The following NALF1 variants were observed in gnomAD, a reference collection of about 807,000 sequenced individuals.
The protein encoded by NALF1 is family with sequence similarity 155 member A.
A neutral mutation model predicts 48.4 loss-of-function variants in NALF1; 3 were observed. That is an observed-to-expected ratio of 0.06 (90% confidence interval 0.03 to 0.16). NALF1 has a LOEUF of 0.16. Among genes scored for constraint, NALF1 ranks in the 10% least tolerant of loss-of-function variants. The pLI is 1.00. For missense variants in NALF1, 526 were observed against 571.5 expected (o/e 0.92, Z 0.81); for synonymous variants, 262 against 245.7 (o/e 1.07, Z -0.62).
chr13:107,553,636 A>G (rs776136259), intron 1 of NALF1, among the ~76,000 whole-genome samples: 1 of 152,186 alleles, frequency 6.6e-6, no homozygotes, highest in Non-Finnish European at 1.5e-5. Flanking sequence ...AAATCTCACC[A>G]ATCAAAATAT....
intron 1 of NALF1, among the ~76,000 whole-genome samples, chr13:107,702,881 C>T (rs1024574975): frequency 6.6e-6 from 1 of 152,184 alleles, no homozygotes; most frequent in African/African-American, 2.4e-5. Flanking sequence ...TGATCTCCTT[C>T]CTTTTTATGG....
At chr13:107,492,394 C>A (rs1875168320) in intron 1 of NALF1, among the ~76,000 whole-genome samples, 1 of 152,094 alleles carries the variant, frequency 6.6e-6, no homozygotes, top group Non-Finnish European at 1.5e-5. Flanking sequence ...TTAATGGCTC[C>A]AGAAATGGTA....
intron 1 of NALF1, among the ~76,000 whole-genome samples, chr13:107,395,831 A>G (rs1341910055): frequency 6.6e-6 from 1 of 151,744 alleles, no homozygotes; most frequent in Non-Finnish European, 1.5e-5. Flanking sequence ...CTGTGCCCCA[A>G]CCTCCTTTTT....
intron 1 of NALF1, among the ~76,000 whole-genome samples, chr13:107,745,676 C>T (rs1470762722): frequency 3.3e-5 from 5 of 152,012 alleles, no homozygotes; most frequent in South Asian, 2.1e-4. Flanking sequence ...AGAGCAATAC[C>T]ATAGATCCAG....
chr13:107,707,442 C>T (rs1434723676), intron 1 of NALF1, among the ~76,000 whole-genome samples: 1 of 152,182 alleles, frequency 6.6e-6, no homozygotes, highest in Admixed American at 6.5e-5. Context: ...TCTCTCCTAC[C>T]TCTAGCAGAC....
At chr13:107,821,826 T>C (rs1754332260) in intron 1 of NALF1, among the ~76,000 whole-genome samples, 1 of 152,220 alleles carries the variant, frequency 6.6e-6, no homozygotes, top group Non-Finnish European at 1.5e-5. Flanking sequence ...AATACTGTCA[T>C]TGTTATTCTT....
At chr13:107,770,051 T>C in intron 1 of NALF1, among the ~76,000 whole-genome samples, 1 of 152,140 alleles carries the variant, frequency 6.6e-6, no homozygotes, top group East Asian at 1.9e-4. Flanking sequence ...TAGCTGGGAC[T>C]ACAGGCACCC....
chr13:107,367,438 T>A (rs1883170762), intron 1 of NALF1, among the ~76,000 whole-genome samples: 1 of 152,142 alleles, frequency 6.6e-6, no homozygotes, highest in Non-Finnish European at 1.5e-5. Context: ...GAGGACAAAG[T>A]CTTGTCCTCA....
At chr13:107,804,666 A>G (rs191116682) in intron 1 of NALF1, among the ~76,000 whole-genome samples, 10 of 152,014 alleles carry the variant, frequency 6.6e-5, no homozygotes, top group Admixed American at 2.6e-4. Flanking sequence ...ACACTGTCAC[A>G]CTCTTCTCAG....
chr13:107,321,500 G>T (rs1484096522), intron 1 of NALF1, among the ~76,000 whole-genome samples: 2 of 152,106 alleles, frequency 1.3e-5, no homozygotes, highest in African/African-American at 4.8e-5. Flanking sequence ...TTTAAACACT[G>T]ATTTCAGGAA....
intron 1 of NALF1, among the ~76,000 whole-genome samples, chr13:107,776,281 G>A (rs1444691930): frequency 6.6e-6 from 1 of 152,092 alleles, no homozygotes; most frequent in Non-Finnish European, 1.5e-5. Flanking sequence ...AGCTGGGTAA[G>A]TTTTCTTGGG....
At chr13:107,854,814 CA>C (rs1303453397) in intron 1 of NALF1, among the ~76,000 whole-genome samples, 1 of 147,814 alleles carries the variant, frequency 6.8e-6, no homozygotes, top group Non-Finnish European at 1.5e-5. Context: ...GCGGCGGTTG[CA>C]GTGAGCCAAG....
chr13:107,833,159 TA>T (rs58651793), intron 1 of NALF1, among the ~76,000 whole-genome samples: 15,145 of 152,172 alleles, frequency 0.1, 1,051 homozygotes, highest in East Asian at 0.31. Context: ...TCCTTTAGCA[TA>T]CCACTTTGAA....
intron 1 of NALF1, among the ~76,000 whole-genome samples, chr13:107,680,847 AGAGTATGTGAG>A (rs1251147491): frequency 5.7e-4 from 80 of 139,694 alleles, no homozygotes; most frequent in South Asian, 4.1e-3. Context: ...TGAGAGTGTA[AGAGTATGTGAG>A]TGTGCAAATG....
Position 107,866,216 on chromosome 13 carries a change from C to G in NALF1, c.381G>C (p.Ser127=). 3 of 1,596,532 alleles carry G rather than the reference C, an allele frequency of 1.9e-6. No individual in the cohort carries two copies. Among genetic ancestry groups the G allele is most frequent in the Non-Finnish European group, 2.6e-6 (3 of 1,172,318 alleles). Residue 127 remains serine (S), a synonymous_variant, in exon 1 of 3, where the codon TCG becomes TCC. Coordinates refer to ENST00000375915, the MANE Select transcript of NALF1 (RefSeq NM_001080396.3). This position sits in a 1 kb window ranked among gnomAD's most constrained non-coding sequence, Gnocchi z 4.4. Reference sequence around the variant, plus strand: ...CCGGGGAGGGGGGCAGGGTGGGGGACGAGGAGGCGGAGAGGAGTCTGTGTG... The same window carrying G: ...CCGGGGAGGGGGGCAGGGTGGGGGAGGAGGAGGCGGAGAGGAGTCTGTGTG... The part of the protein sequence containing the change: ...AQAHRLLSAS[S]SPTLPPSPGD...
intron 2 of NALF1, among the ~76,000 whole-genome samples, chr13:107,187,543 A>T (rs1245503011): frequency 6.6e-6 from 1 of 152,196 alleles, no homozygotes; most frequent in Non-Finnish European, 1.5e-5. Context: ...ACTGATCCTG[A>T]GGCTCCTGAC....
At chr13:107,845,801 A>G (rs1035099572) in intron 1 of NALF1, among the ~76,000 whole-genome samples, 1 of 152,120 alleles carries the variant, frequency 6.6e-6, no homozygotes, top group African/African-American at 2.4e-5. Context: ...CTCATCCATC[A>G]GCTCTATCAG....
chr13:107,319,728 A>G (rs76426497), intron 1 of NALF1, among the ~76,000 whole-genome samples: 2,955 of 152,260 alleles, frequency 0.019, 80 homozygotes, highest in African/African-American at 0.068. Flanking sequence ...AAGTTCATGC[A>G]GTCAGTAAAT....
intron 1 of NALF1, among the ~76,000 whole-genome samples, chr13:107,698,434 C>T (rs574708743): frequency 6.6e-6 from 1 of 152,170 alleles, no homozygotes; most frequent in East Asian, 1.9e-4. Flanking sequence ...AAACTGTTCA[C>T]CATAGTACTA....
Sources: gnomAD v4.1 joint callset for allele counts (sites outside exome capture counted in the v4.1 genomes callset) on GRCh38, gnomAD v4.1.1 for gene constraint, Gnocchi (gnomAD v3.1) non-coding constraint, MANE v1.5 for transcripts, NCBI Gene and HGNC (gene_info 2026-07-23, HGNC 2026-07-21) for gene names.